ZFAT: variants seen among roughly 807,000 people sequenced by gnomAD.
The protein encoded by ZFAT is zinc finger protein ZFAT.
ZFAT carries 64 observed loss-of-function variants against 117.7 expected under a neutral mutation model. The ratio of observed to expected loss-of-function variants is 0.54; its 90% CI spans 0.44 to 0.67. The LOEUF (loss-of-function observed/expected upper bound fraction) is 0.67, where lower values mean the gene tolerates loss of function less well. Among genes scored for constraint, ZFAT ranks in the 30% least tolerant of loss-of-function variants. ZFAT has a pLI of 0.00. For missense variants in ZFAT, 1,433 were observed against 1,584.5 expected (o/e 0.90, Z 1.62); for synonymous variants, 679 against 615.0 (o/e 1.10, Z -1.54).
intron 12 of ZFAT, among the ~76,000 whole-genome samples, chr8:134,530,068 T>C (rs1357870336): frequency 6.6e-6 from 1 of 152,126 alleles, no homozygotes; most frequent in Non-Finnish European, 1.5e-5. Context: ...GGCAGGAGGG[T>C]CTTTCCTAGG....
chr8:134,589,585 A>G (rs1273123734), intron 8 of ZFAT, among the ~76,000 whole-genome samples: 3 of 152,196 alleles, frequency 2.0e-5, no homozygotes, highest in Non-Finnish European at 2.9e-5. Context: ...CGACTCAGGG[A>G]GCCCATGGGA....
At chr8:134,638,558 A>AT (rs148110800) in intron 2 of ZFAT, among the ~76,000 whole-genome samples, 143 of 24,816 alleles carry the variant, frequency 5.8e-3, no homozygotes, top group African/African-American at 0.026. Flanking sequence ...ACAAAAAAAA[A>AT]ACAAAACAAA....
intron 15 of ZFAT, among the ~76,000 whole-genome samples, chr8:134,484,971 T>A (rs1251478254): frequency 1.3e-5 from 2 of 151,932 alleles, no homozygotes; most frequent in Non-Finnish European, 2.9e-5. Flanking sequence ...AAACACACAA[T>A]GATGATGATG....
chr8:134,488,263 C>A (rs1817795580), intron 15 of ZFAT, among the ~76,000 whole-genome samples: 1 of 152,136 alleles, frequency 6.6e-6, no homozygotes, highest in Non-Finnish European at 1.5e-5. Flanking sequence ...CAGGTTGGTG[C>A]AAGTTTGCTG....
At chr8:134,813,871 A>T in the ZFAT span, among the ~76,000 whole-genome samples, 1 of 152,036 alleles carries the variant, frequency 6.6e-6, no homozygotes, top group Non-Finnish European at 1.5e-5. Flanking sequence ...ATTAAAAAAT[A>T]TATATATTAT....
intron 1 of ZFAT, among the ~76,000 whole-genome samples, chr8:134,702,537 G>A (rs547730167): frequency 1.3e-5 from 2 of 152,224 alleles, no homozygotes; most frequent in East Asian, 3.9e-4. Flanking sequence ...TTTCATAAGA[G>A]GTTTCCCCTT....
chr8:134,755,843 G>GA, the ZFAT span, among the ~76,000 whole-genome samples: 6 of 135,704 alleles, frequency 4.4e-5, no homozygotes, highest in Admixed American at 7.3e-5. Context: ...AAAAGAAAAA[G>GA]AAAAAAAAAA....
the ZFAT span, among the ~76,000 whole-genome samples, chr8:134,762,008 G>GTGTGTGTGTA: frequency 1.3e-5 from 2 of 151,188 alleles, no homozygotes; most frequent in African/African-American, 4.9e-5. Context: ...GTGTGTGTGT[G>GTGTGTGTGTA]TGTGCAAATG....
At chr8:134,730,949 A>G in the ZFAT span, among the ~76,000 whole-genome samples, 1 of 152,248 alleles carries the variant, frequency 6.6e-6, no homozygotes, top group Non-Finnish European at 1.5e-5. Context: ...AGAGATCAGA[A>G]GTATCCAAAG....
At chr8:134,531,675 G>A (rs1213665999) in intron 12 of ZFAT, among the ~76,000 whole-genome samples, 1 of 152,150 alleles carries the variant, frequency 6.6e-6, no homozygotes, top group Non-Finnish European at 1.5e-5. Context: ...CTGCTCCCCA[G>A]CTCCATAAAA....
the ZFAT span, among the ~76,000 whole-genome samples, chr8:134,753,244 A>G: frequency 6.9e-6 from 1 of 144,958 alleles, no homozygotes; most frequent in East Asian, 2.0e-4. Context: ...AACAACAACA[A>G]CAACAAACCT....
intron 3 of ZFAT, among the ~76,000 whole-genome samples, chr8:134,629,300 A>T (rs1310517732): frequency 6.6e-6 from 1 of 152,180 alleles, no homozygotes; most frequent in Non-Finnish European, 1.5e-5. Context: ...GGCAAGGAAG[A>T]TATTTGCAAG....
chr8:134,499,857 C>A (rs1252645611), intron 15 of ZFAT, among the ~76,000 whole-genome samples: 2 of 152,182 alleles, frequency 1.3e-5, no homozygotes, highest in African/African-American at 2.4e-5. Flanking sequence ...GGGCAGACGT[C>A]CGGTGGGAGA....
chr8:134,688,343 T>A (rs1047692184), intron 1 of ZFAT, among the ~76,000 whole-genome samples: 1 of 151,976 alleles, frequency 6.6e-6, no homozygotes, highest in Non-Finnish European at 1.5e-5. Context: ...CCGCAAAACG[T>A]GTGTACATAC....
At chr8:134,690,463 G>A (rs1833536044) in intron 1 of ZFAT, among the ~76,000 whole-genome samples, 1 of 152,228 alleles carries the variant, frequency 6.6e-6, no homozygotes, top group African/African-American at 2.4e-5. Flanking sequence ...GGAGGCAGAT[G>A]TGGAAAACAT....
At chr8:134,637,309 T>G (rs1209206347) in intron 3 of ZFAT, 152 bp downstream of exon 3, 1 of 1,000,038 alleles carries the variant, frequency 1.0e-6, no homozygotes, top group Non-Finnish European at 1.5e-6. Context: ...ACGGTAATAG[T>G]CATCATTAGG....
chr8:134,588,149 G>T (rs1826200505), intron 9 of ZFAT, 97 bp downstream of exon 9: 3 of 1,349,900 alleles, frequency 2.2e-6, no homozygotes, highest in Admixed American at 5.4e-5. Flanking sequence ...CTAACAGCAG[G>T]GATGTGAAGA....
At chr8:134,740,621 T>C in the ZFAT span, among the ~76,000 whole-genome samples, 4 of 152,182 alleles carry the variant, frequency 2.6e-5, no homozygotes, top group South Asian at 2.1e-4. Flanking sequence ...TTTTCCAGGA[T>C]AGGTCAACCT....
the ZFAT span, among the ~76,000 whole-genome samples, chr8:134,779,768 A>G: frequency 6.6e-6 from 1 of 152,220 alleles, no homozygotes; most frequent in South Asian, 2.1e-4. Context: ...CTTTTACAGT[A>G]GCAATGTCAA....
Sources: gnomAD v4.1 joint callset for allele counts (sites outside exome capture counted in the v4.1 genomes callset) on GRCh38, gnomAD v4.1.1 for gene constraint, MANE v1.5 for transcripts, NCBI Gene and HGNC (gene_info 2026-07-23, HGNC 2026-07-21) for gene names.